RHCG: variants seen among roughly 807,000 people sequenced by gnomAD.
The protein encoded by RHCG is ammonium transporter Rh type C.
RHCG carries 39 observed loss-of-function variants against 55.3 expected under a neutral mutation model. The observed-to-expected ratio is 0.70, with a 90% CI of 0.55 to 0.92. RHCG has a LOEUF of 0.92. Ranked by LOEUF, RHCG falls within the 40% of genes least tolerant of loss-of-function variation. RHCG has a pLI of 0.00. For synonymous variants in RHCG, 250 were observed against 246.8 expected (o/e 1.01, Z -0.12); for missense variants, 635 against 627.9 (o/e 1.01, Z -0.12).
At chr15:89,487,202 A>C (rs1339802122) in intron 1 of RHCG, among the ~76,000 whole-genome samples, 3 of 152,134 alleles carry the variant, frequency 2.0e-5, no homozygotes, top group Non-Finnish European at 2.9e-5. Flanking sequence ...CAGTTCCTTC[A>C]TAAGGGCCTC....
At chr15:89,482,109 G>C (rs1490622887) in intron 3 of RHCG, among the ~76,000 whole-genome samples, 1 of 152,072 alleles carries the variant, frequency 6.6e-6, no homozygotes, top group African/African-American at 2.4e-5. Context: ...GCCTAAGTTT[G>C]TATTTTTAGT....
chr15:89,489,931 G>A (rs1343195752), intron 1 of RHCG, among the ~76,000 whole-genome samples: 1 of 152,194 alleles, frequency 6.6e-6, no homozygotes, highest in Non-Finnish European at 1.5e-5. Flanking sequence ...AAAACTCCAA[G>A]AAGGCAGAGC....
intron 8 of RHCG, 109 bp downstream of exon 8, chr15:89,476,973 C>T (rs1961162282): frequency 6.4e-7 from 1 of 1,563,194 alleles, no homozygotes; most frequent in Admixed American, 1.7e-5. Context: ...GTGCAGAGAT[C>T]AGGGATTCCT....
intron 9 of RHCG, 143 bp from the exon 10 acceptor site, chr15:89,473,006 G>C: frequency 1.0e-6 from 1 of 987,910 alleles, no homozygotes; most frequent in South Asian, 2.1e-5. Context: ...CGGAGAGCAG[G>C]GTGGTCCTTC....
Position 89,476,762 on chromosome 15 carries a change from T to C in RHCG, c.1304A>G (p.Tyr435Cys). The change falls in exon 9 of 11, where the codon TAC becomes TGC. Residue 435 changes from tyrosine (Y) to cysteine (C), a missense_variant. Transcript: ENST00000268122. ...SDENCFEDAV[Y>C]WEMPEGNSTV... is the part of the protein sequence containing the mutation. ...CAAGTCCCTGGAACTCACCTCCCAG[T>C]AGACCGCATCCTCAAAGCAGTTCTC... 1.2e-6 allele frequency: 2 copies of C among 1,613,996 alleles called. No individual in the cohort carries two copies. The highest frequency in any genetic ancestry group is 1.7e-6 in the Non-Finnish European group (2 of 1,179,866).
chr15:89,476,865 G>T (rs370511403), intron 8 of RHCG, 37 bp from the exon 9 acceptor site: 139 of 1,584,212 alleles, frequency 8.8e-5, no homozygotes, highest in Non-Finnish European at 1.2e-4. Flanking sequence ...GTCAGGAAGT[G>T]CCTTCTCTCT....
At chr15:89,472,909 C>A in intron 9 of RHCG, 46 bp from the exon 10 acceptor site, 2 of 1,386,440 alleles carry the variant, frequency 1.4e-6, no homozygotes, top group Non-Finnish European at 1.9e-6. Flanking sequence ...CCAGTCCAGG[C>A]AAGGGTGTCC....
At position 89,477,442 on chromosome 15, in the gene RHCG, C is replaced by G; in HGVS notation, c.1112+75G>C. 1.3e-6 allele frequency: 2 copies of G among 1,578,518 alleles called. No individual in the cohort carries two copies. Among genetic ancestry groups the G allele is most frequent in the Non-Finnish European group, 1.7e-6 (2 of 1,159,870 alleles). On this transcript the variant is annotated intron_variant, in intron 7 of 10. Transcript: ENST00000268122. This position sits in a 1 kb window ranked among gnomAD's most constrained non-coding sequence, Gnocchi z 4.5. ...AAGGGAGAAAGATGCAGTCGGGTCC[C>G]AGAGGAATAGCAGGAAGAAGGGATG...
intron 1 of RHCG, among the ~76,000 whole-genome samples, chr15:89,495,217 T>TG (rs1195248988): frequency 2.0e-5 from 3 of 152,160 alleles, no homozygotes; most frequent in Non-Finnish European, 4.4e-5. Context: ...CCACTTAATA[T>TG]GGCTGGCTCC....
intron 4 of RHCG, 47 bp from the exon 5 acceptor site, chr15:89,479,535 G>A (rs1961226261): frequency 6.5e-7 from 1 of 1,538,036 alleles, no homozygotes; most frequent in Non-Finnish European, 8.8e-7. Context: ...AGAGGCATTA[G>A]ATACAGCCCC....
At chr15:89,491,955 G>A (rs140021490) in intron 1 of RHCG, among the ~76,000 whole-genome samples, 135 of 152,250 alleles carry the variant, frequency 8.9e-4, no homozygotes, top group Middle Eastern at 3.4e-3. Flanking sequence ...ATGGTATAAC[G>A]CAATCAAAGC....
intron 2 of RHCG, among the ~76,000 whole-genome samples, chr15:89,484,672 C>G (rs1261451566): frequency 1.3e-5 from 2 of 151,200 alleles, no homozygotes; most frequent in South Asian, 2.1e-4. Context: ...CCTAGCTACT[C>G]AGGAGGCTGA....
At chr15:89,473,678 T>A (rs556141349) in intron 9 of RHCG, among the ~76,000 whole-genome samples, 3 of 152,332 alleles carry the variant, frequency 2.0e-5, no homozygotes, top group South Asian at 4.1e-4. Context: ...TGTTAGGTAT[T>A]ACAAGTAATC....
chr15:89,471,619 T>G lies in RHCG; in HGVS notation c.*261A>C, dbSNP rs1961038384. 6.5e-6 allele frequency: 1 copy of G among 152,674 alleles called. No individual in the cohort carries two copies. Among genetic ancestry groups the G allele is most frequent in the Admixed American group, 6.5e-5 (1 of 15,282 alleles). The allele number at this position is 152,674 out of a possible 1,614,324, so 9.5% of individuals were successfully genotyped here. ...CAGCCCCACTTTGAGCCTGTTTTTC[T>G]CCAATGTGGCCAAGACCCCAGGCAG... On this transcript the variant is annotated 3_prime_UTR_variant, in exon 11 of 11. Coordinates refer to ENST00000268122, the MANE Select transcript of RHCG (RefSeq NM_016321.3).
chr15:89,483,283 C>A, intron 2 of RHCG, 66 bp from the exon 3 acceptor site: 1 of 1,425,764 alleles, frequency 7.0e-7, no homozygotes, highest in Non-Finnish European at 9.4e-7. Context: ...AGGCCCTGGA[C>A]TTTGGTCATA....
chr15:89,479,354 T>C lies in RHCG; in HGVS notation c.805A>G (p.Ser269Gly). The C allele has an allele frequency of 1.2e-6, 2 of 1,614,144 alleles. No individual in the cohort carries two copies. The highest frequency in any genetic ancestry group is 2.2e-5 in the South Asian group (2 of 91,082). The change falls in exon 5 of 11, where the codon AGT (serine) becomes GGT (glycine). Residue 269 changes from serine (S) to glycine (G), a missense_variant. Transcript: ENST00000268122. ...ACVLTSVAIS[S>G]ALHKKGKLDM... ...AGCTTGCCCTTCTTGTGCAGGGCAC[T>C]GGATATTGCCACCGAGGTAAGCACG...
intron 8 of RHCG, 58 bp from the exon 9 acceptor site, chr15:89,476,886 G>A (rs1807475897): frequency 6.4e-7 from 1 of 1,557,748 alleles, no homozygotes; most frequent in African/African-American, 1.4e-5. Context: ...GCTCACCCCA[G>A]CCATTTCCCT....
intron 2 of RHCG, chr15:89,486,508 C>A (rs773963270): frequency 1.5e-4 from 72 of 494,782 alleles, no homozygotes; most frequent in Non-Finnish European, 2.1e-4. Flanking sequence ...GACACTTGGA[C>A]GACTCCCACC....
chr15:89,474,643 A>T (rs78704156), intron 9 of RHCG, among the ~76,000 whole-genome samples: 33 of 152,356 alleles, frequency 2.2e-4, no homozygotes, highest in African/African-American at 7.0e-4. Context: ...CACCACTTTC[A>T]TATCTAGAAC....
Sources: allele counts gnomAD v4.1 joint callset (sites outside exome capture counted in the v4.1 genomes callset), GRCh38; gene constraint gnomAD v4.1.1; non-coding constraint Gnocchi (gnomAD v3.1); transcripts MANE v1.5; gene names NCBI Gene and HGNC (gene_info 2026-07-23, HGNC 2026-07-21).